PPARGC1B: variants seen among roughly 807,000 people sequenced by gnomAD.
The protein encoded by PPARGC1B is peroxisome proliferator-activated receptor gamma coactivator 1-beta.
Under a neutral mutation model 101.6 loss-of-function variants are expected in PPARGC1B, and 34 were observed. The ratio of observed to expected loss-of-function variants is 0.33; its 90% CI spans 0.25 to 0.45. The LOEUF (loss-of-function observed/expected upper bound fraction) is 0.45, where lower values mean the gene tolerates loss of function less well. Ranked by LOEUF, PPARGC1B falls within the 20% of genes least tolerant of loss-of-function variation. The pLI, the probability that PPARGC1B is intolerant of heterozygous loss-of-function variation, is 1.00. For synonymous variants in PPARGC1B, 548 were observed against 539.3 expected, an observed-to-expected ratio of 1.02 and a Z score of -0.22; for missense variants, 1,234 against 1,317.6, an observed-to-expected ratio of 0.94 and a Z score of 0.98.
chr5:149,741,689 G>A (rs888319120), intron 1 of PPARGC1B, among the ~76,000 whole-genome samples: 4 of 150,264 alleles, frequency 2.7e-5, no homozygotes, highest in East Asian at 2.0e-4. Context: ...GTGCAGTGGC[G>A]CGATCTCAGC....
chr5:149,779,874 G>C (rs1328794768), intron 1 of PPARGC1B, among the ~76,000 whole-genome samples: 2 of 152,160 alleles, frequency 1.3e-5, no homozygotes, highest in East Asian at 3.9e-4. Context: ...AGTGCTCCAT[G>C]ATTGAGAAAG....
Position 149,847,680 on chromosome 5 carries a change from G to C in PPARGC1B, c.*122G>C. On this transcript the variant is annotated 3_prime_UTR_variant, in exon 12 of 12. Coordinates refer to ENST00000309241, the MANE Select transcript of PPARGC1B (RefSeq NM_133263.4). ...AGCGAGCGTGAGAGAACACCCGTGA[G>C]AGAGACTTGAAACTGCTGTCCTTTA... 1 of 697,210 alleles carries C rather than the reference G, an allele frequency of 1.4e-6. No individual in the cohort carries two copies. The allele number at this position is 697,210 out of a possible 1,614,324, so 43.2% of individuals were successfully genotyped here.
intron 11 of PPARGC1B, chr5:149,846,328 G>A (rs1759555853): frequency 2.9e-6 from 1 of 347,372 alleles, no homozygotes; most frequent in South Asian, 7.8e-5. Flanking sequence ...GGACAAAGAA[G>A]TACAATGTAC....
At chr5:149,823,968 C>T (rs1394103173) in intron 2 of PPARGC1B, among the ~76,000 whole-genome samples, 1 of 152,124 alleles carries the variant, frequency 6.6e-6, no homozygotes, top group East Asian at 1.9e-4. Context: ...AGGTCTCTTT[C>T]CTGGGGCTTT....
At chr5:149,841,714 C>T (rs1467582571) in intron 9 of PPARGC1B, among the ~76,000 whole-genome samples, 2 of 152,170 alleles carry the variant, frequency 1.3e-5, no homozygotes, top group African/African-American at 4.8e-5. Flanking sequence ...CTTCCCTCTG[C>T]TAGGCTGTTC....
chr5:149,810,224 G>A (rs1468688779), intron 1 of PPARGC1B, among the ~76,000 whole-genome samples: 3 of 152,262 alleles, frequency 2.0e-5, no homozygotes, highest in Non-Finnish European at 4.4e-5. Context: ...AAAATTGACT[G>A]TGAGTGCAGG....
chr5:149,753,124 G>A (rs1026116683), intron 1 of PPARGC1B, among the ~76,000 whole-genome samples: 2 of 152,104 alleles, frequency 1.3e-5, no homozygotes, highest in Non-Finnish European at 1.5e-5. Flanking sequence ...AGATCATTTC[G>A]TATCAATATG....
At chr5:149,819,877 A>G (rs1254441271) in intron 1 of PPARGC1B, among the ~76,000 whole-genome samples, 1 of 152,206 alleles carries the variant, frequency 6.6e-6, no homozygotes, top group African/African-American at 2.4e-5. Context: ...CATATATGTA[A>G]TTTTATGTTC....
intron 4 of PPARGC1B, among the ~76,000 whole-genome samples, chr5:149,831,577 T>C (rs1758786590): frequency 6.6e-6 from 1 of 152,198 alleles, no homozygotes. Context: ...TTGTCCTGGC[T>C]GACCCTCCTG....
chr5:149,732,043 CG>C (rs1232749117), intron 1 of PPARGC1B, among the ~76,000 whole-genome samples: 17 of 83,054 alleles, frequency 2.0e-4, no homozygotes, highest in Non-Finnish European at 3.9e-4. Context: ...GTTGCGCGCG[CG>C]GGTGTGTGTG....
chr5:149,847,375 A>T, intron 11 of PPARGC1B, 83 bp from the exon 12 acceptor site: 2 of 1,019,518 alleles, frequency 2.0e-6, no homozygotes, highest in Non-Finnish European at 3.1e-6. Flanking sequence ...GCCCACTCAT[A>T]GTGGCAGATT....
chr5:149,745,214 T>A (rs1273042489), intron 1 of PPARGC1B, among the ~76,000 whole-genome samples: 1 of 152,196 alleles, frequency 6.6e-6, no homozygotes, highest in Non-Finnish European at 1.5e-5. Flanking sequence ...TTTGTGACTT[T>A]TTAGTTGTGT....
At chr5:149,841,510 C>A (rs544562228) in intron 9 of PPARGC1B, among the ~76,000 whole-genome samples, 1 of 152,318 alleles carries the variant, frequency 6.6e-6, no homozygotes, top group African/African-American at 2.4e-5. Context: ...CTGGCTATAA[C>A]CTGTTTCCAG....
chr5:149,755,449 A>G (rs1034809822), intron 1 of PPARGC1B, among the ~76,000 whole-genome samples: 2 of 151,918 alleles, frequency 1.3e-5, no homozygotes, highest in African/African-American at 4.8e-5. Context: ...AATACTTCAG[A>G]GCTGAAAGAT....
Position 149,835,295 on chromosome 5 carries a change from C to T in PPARGC1B, c.1743-6C>T. On this transcript the variant is annotated splice_polypyrimidine_tract_variant and splice_region_variant and intron_variant, in intron 6 of 11. Coordinates refer to ENST00000309241, the MANE Select transcript of PPARGC1B (RefSeq NM_133263.4). ...CTTTCCTTTCTGTCCTCCCTGCCTC[C>T]ACCAGCGACCCAACTTTTGGCAAGA... 4 of 1,614,144 alleles carry T rather than the reference C, an allele frequency of 2.5e-6. No homozygotes were observed. The highest frequency in any genetic ancestry group is 3.4e-6 in the Non-Finnish European group (4 of 1,179,970).
At chr5:149,777,447 C>T (rs1004446844) in intron 1 of PPARGC1B, among the ~76,000 whole-genome samples, 3 of 152,110 alleles carry the variant, frequency 2.0e-5, no homozygotes, top group Non-Finnish European at 4.4e-5. Context: ...AGCCCCTGCC[C>T]GGTTGTGAGG....
In PPARGC1B at chr5:149,755,290, G is replaced by A. The variant is rs534409205; in HGVS notation, c.78+24870G>A. Among the ~76,000 whole-genome samples the A allele has an allele frequency of 2.6e-5, 4 of 151,726 alleles. No individual in the cohort carries two copies. The East Asian group carries it at 7.8e-4, about 29-fold the overall frequency. The stretch of plus-strand genomic sequence containing the variant: ...GTTGCCCAGGATGGAGTGCAGTGGT[G>A]CAAACAGCTCACTGCAGGCTTGAAC... On this transcript the variant is annotated intron_variant, in intron 1 of 11. Transcript: ENST00000309241.
intron 1 of PPARGC1B, among the ~76,000 whole-genome samples, chr5:149,764,013 C>A (rs896529706): frequency 2.6e-5 from 4 of 152,100 alleles, no homozygotes; most frequent in African/African-American, 7.2e-5. Context: ...TTGGTCATAG[C>A]CCCATCAGAG....
At chr5:149,814,256 C>A (rs1292258462) in intron 1 of PPARGC1B, among the ~76,000 whole-genome samples, 1 of 152,214 alleles carries the variant, frequency 6.6e-6, no homozygotes, top group African/African-American at 2.4e-5. Context: ...CTTGTCTAGG[C>A]TTCCTTCCAT....
Sources: allele counts gnomAD v4.1 joint callset (sites outside exome capture counted in the v4.1 genomes callset), GRCh38; gene constraint gnomAD v4.1.1; transcripts MANE v1.5; gene names NCBI Gene and HGNC (gene_info 2026-07-23, HGNC 2026-07-21).